Variants in NEU4 observed in about 807,000 individuals in gnomAD.
The protein encoded by NEU4 is neuraminidase 4.
In NEU4, 7 loss-of-function variants were observed where a neutral mutation model predicts 9.9. The ratio of observed to expected loss-of-function variants is 0.71; its 90% confidence interval spans 0.40 to 1.33. NEU4 has a LOEUF of 1.33. NEU4 is among the 40% of genes most tolerant of loss of function. The pLI is 0.01. For synonymous variants in NEU4, 348 were observed against 316.9 expected (o/e 1.10, Z -1.04); for missense variants, 717 against 712.6 (o/e 1.01, Z -0.07).
In NEU4 at chr2:241,817,007, A is replaced by C; in HGVS notation, c.1414A>C (p.Asn472His). 6.2e-7 allele frequency: 1 copy of C among 1,607,776 alleles called. No homozygotes were observed. The highest frequency in any genetic ancestry group is 8.5e-7 in the Non-Finnish European group (1 of 1,177,636). Reference protein sequence around the residue: ...ENVPASPKPPNLGDKPRGCCW... With the variant: ...ENVPASPKPPHLGDKPRGCCW... ...CGTGCCCGCCAGCCCCAAACCGCCC[A>C]ACCTTGGGGACAAGCCTCGGGGGTG... The change falls in exon 4 of 4, where the codon AAC (asparagine) becomes CAC (histidine). Residue 472 changes from asparagine to histidine, a missense_variant. Transcript: ENST00000407683.
In NEU4 at chr2:241,816,208, C is replaced by A; in HGVS notation, c.615C>A (p.His205Gln). The change falls in exon 4 of 4, where the codon CAC becomes CAA. Residue 205 changes from histidine to glutamine, a missense_variant. By Grantham distance (24) the His-to-Gln change is conservative. Coordinates refer to ENST00000407683, the MANE Select transcript of NEU4 (RefSeq NM_001167600.3). ...CCTTCGCCTTCTACAGCGATGACCA[C>A]GGCCGCACCTGGCGCTGTGGAGGCC... Reference protein sequence around the residue: ...PHSFAFYSDDHGRTWRCGGLV... With the variant: ...PHSFAFYSDDQGRTWRCGGLV... 6.2e-7 allele frequency: 1 copy of A among 1,612,472 alleles called. No homozygotes were observed.
chr2:241,814,175 C>T, intron 1 of NEU4: 1 of 637,358 alleles, frequency 1.6e-6, no homozygotes, highest in Non-Finnish European at 3.0e-6. Flanking sequence ...GGCCAGCCTC[C>T]CCTGCACCCT....
At position 241,812,456 on chromosome 2, in the gene NEU4, C is replaced by T. The variant is rs1471319046; in HGVS notation, c.-3-2026C>T. Among the ~76,000 whole-genome samples the T allele has an allele frequency of 1.3e-3, 39 of 29,080 alleles. 1 individual carries two copies. The highest frequency in any genetic ancestry group is 3.6e-3 in the African/African-American group (37 of 10,168). The allele number at this position is 29,080 out of a possible 152,430, so 19.1% of individuals were successfully genotyped here. On this transcript the variant is annotated intron_variant, in intron 1 of 3. Transcript: ENST00000407683. ...AATGTGCTGAACTGGCTACACTGAG[C>T]GGGGCTGGCCTCCGAGACAGAGGGG... is the stretch of plus-strand genomic sequence containing the variant.
chr2:241,816,267 T>C lies in NEU4; in HGVS notation c.674T>C (p.Leu225Pro). ...VPNLRSGECQLAAVDGGQAGS... is the reference protein window; with the variant it reads ...VPNLRSGECQPAAVDGGQAGS... ...AACCTGCGCTCAGGCGAGTGCCAGC[T>C]GGCAGCGGTGGACGGTGGGCAGGCC... The change falls in exon 4 of 4, where the codon CTG becomes CCG. Residue 225 changes from leucine to proline, a missense_variant. Physicochemically the swap from Leu to Pro is moderately conservative, Grantham distance 98 (BLOSUM62 -3). Coordinates refer to ENST00000407683, the MANE Select transcript of NEU4 (RefSeq NM_001167600.3). 1 of 1,595,916 alleles carries C rather than the reference T, an allele frequency of 6.3e-7. No homozygotes were observed.
In NEU4 at chr2:241,816,646, TG is replaced by T. The variant is rs1700356026; in HGVS notation, c.1057del (p.Val353SerfsTer44). 2.0e-6 allele frequency: 3 copies of T among 1,538,336 alleles called. No homozygotes were observed. The Admixed American group carries it at 6.1e-5, about 31-fold the overall frequency. ...GCCCCAGGCAGCCTGGCCCCAGGCC[TG>T]GGGTCAGTGGGGATGTGGGGTCCTG... ...DGPRQPGPRP[G>X]VSGDVGSWTL... On this transcript the variant is annotated frameshift_variant, in exon 4 of 4. Coordinates refer to ENST00000407683, the MANE Select transcript of NEU4 (RefSeq NM_001167600.3). LOFTEE classifies it low-confidence loss of function (END_TRUNC).
chr2:241,816,891 T>C lies in NEU4; in HGVS notation c.1298T>C (p.Leu433Pro). The C allele has an allele frequency of 1.9e-6, 3 of 1,612,776 alleles. No individual in the cohort carries two copies. Among genetic ancestry groups the C allele is most frequent in the Non-Finnish European group, 2.5e-6 (3 of 1,179,900 alleles). The change falls in exon 4 of 4, where the codon CTG (leucine) becomes CCG (proline). Residue 433 changes from leucine (L) to proline (P), a missense_variant. Coordinates refer to ENST00000407683, the MANE Select transcript of NEU4 (RefSeq NM_001167600.3). ...ATCGGGCCGGCCCCTGAGGGGGGCC[T>C]GGTTTTTGCCTGCCTGTACGAGAGC... ...ASIGPAPEGG[L>P]VFACLYESGA...
At position 241,817,018 on chromosome 2, in the gene NEU4, C is replaced by A. The variant is rs749665510; in HGVS notation, c.1425C>A (p.Asp475Glu). ...PASPKPPNLG[D>E]KPRGCCWPS ...GCCCCAAACCGCCCAACCTTGGGGACAAGCCTCGGGGGTGCTGCTGGCCCT... is the reference window on the plus strand; with the variant it reads ...GCCCCAAACCGCCCAACCTTGGGGAAAAGCCTCGGGGGTGCTGCTGGCCCT... The change falls in exon 4 of 4, where the codon GAC (aspartate) becomes GAA (glutamate). Residue 475 changes from aspartate to glutamate, a missense_variant. Transcript: ENST00000407683. 6.2e-7 allele frequency: 1 copy of A among 1,603,712 alleles called. No individual in the cohort carries two copies. The highest frequency in any genetic ancestry group is 1.1e-5 in the South Asian group (1 of 89,290).
intron 1 of NEU4, chr2:241,811,393 C>G (rs763058121): frequency 3.9e-6 from 6 of 1,524,226 alleles, no homozygotes; most frequent in African/African-American, 2.8e-5. Context: ...ACAGTGGGCC[C>G]TTGTCTCTGC....
Position 241,817,232 on chromosome 2 carries a change from T to A in NEU4, c.*184T>A. 1 of 368,764 alleles carries A rather than the reference T, an allele frequency of 2.7e-6. No individual in the cohort carries two copies. Among genetic ancestry groups the A allele is most frequent in the East Asian group, 7.0e-5 (1 of 14,282 alleles). The allele number at this position is 368,764 out of a possible 1,614,324, so 22.8% of individuals were successfully genotyped here. ...TAGGAAGGGGAGCAGCGGCTGGGAG[T>A]GAGCAGGGCAGGGTGGGGGCAGGGT... On this transcript the variant is annotated 3_prime_UTR_variant, in exon 4 of 4. Transcript: ENST00000407683.
chr2:241,809,309 C>G (rs1346541141), intron 1 of NEU4, 35 bp downstream of exon 1: 1 of 1,213,588 alleles, frequency 8.2e-7, no homozygotes, highest in Admixed American at 2.3e-5. Flanking sequence ...TGGGGTCTTT[C>G]TGGCGACGTA....
At chr2:241,811,848 G>A (rs996860699) in intron 1 of NEU4, 9 of 218,912 alleles carry the variant, frequency 4.1e-5, no homozygotes, top group Non-Finnish European at 8.1e-5. Flanking sequence ...GGTCGGGGAC[G>A]CTCTACCAGG....
At chr2:241,814,341 C>A (rs1700228172) in intron 1 of NEU4, 141 bp from the exon 2 acceptor site, 1 of 777,012 alleles carries the variant, frequency 1.3e-6, no homozygotes, top group African/African-American at 1.7e-5. Flanking sequence ...AGGGCTGACC[C>A]CAAGGTGGGT....
At chr2:241,815,206 G>A in intron 3 of NEU4, 59 bp downstream of exon 3, 1 of 1,475,082 alleles carries the variant, frequency 6.8e-7, no homozygotes, top group East Asian at 2.4e-5. Context: ...ACATGGAAGG[G>A]AGATTCCAGC....
intron 1 of NEU4, chr2:241,813,574 C>A: frequency 8.0e-7 from 1 of 1,255,578 alleles, no homozygotes; most frequent in Non-Finnish European, 1.1e-6. Context: ...TCACCCGGGC[C>A]CTGCCCTGGT....
At chr2:241,811,742 G>T in intron 1 of NEU4, 1 of 380,986 alleles carries the variant, frequency 2.6e-6, no homozygotes, top group Non-Finnish European at 4.6e-6. Flanking sequence ...GGGTTCCTGG[G>T]GGCAGATTCA....
rs941878522 is a variant in NEU4 at position 241,817,400 on chromosome 2, G to A, written c.*352G>A. The A allele has an allele frequency of 2.9e-6, 1 of 347,182 alleles. No homozygotes were observed. The highest frequency in any genetic ancestry group is 1.1e-4 in the South Asian group (1 of 9,348). 21.5% of individuals were successfully genotyped at this position (347,182 alleles called of 1,614,324 possible). On this transcript the variant is annotated 3_prime_UTR_variant, in exon 4 of 4. Coordinates refer to ENST00000407683, the MANE Select transcript of NEU4 (RefSeq NM_001167600.3). ...CTTTCTGGCTCGAAATAAAGGAATC[G>A]TGCTTGTGTCGGGGTAGACGTTTCT...
At chr2:241,811,240 G>A in intron 1 of NEU4, 1 of 1,252,600 alleles carries the variant, frequency 8.0e-7, no homozygotes, top group South Asian at 3.3e-5. Context: ...GCCTGTGCTG[G>A]TCCCGGGCGT....
chr2:241,813,620 C>T, intron 1 of NEU4: 3 of 983,094 alleles, frequency 3.1e-6, no homozygotes, highest in Non-Finnish European at 1.4e-6. Flanking sequence ...AGAATGGCCG[C>T]CGGGCCCCAC....
intron 1 of NEU4, chr2:241,809,999 CA>C (rs1700061647): frequency 6.6e-6 from 1 of 152,276 alleles, no homozygotes; most frequent in Non-Finnish European, 1.5e-5. Context: ...CAGACTCCAC[CA>C]GTCCCAGACT....
Sources: gnomAD v4.1 joint callset for allele counts (sites outside exome capture counted in the v4.1 genomes callset) on GRCh38, gnomAD v4.1.1 for gene constraint, MANE v1.5 for transcripts, NCBI Gene and HGNC (gene_info 2026-07-23, HGNC 2026-07-21) for gene names.